Variants in NCOR1 observed in about 807,000 individuals in gnomAD.
The protein encoded by NCOR1 is protein phosphatase 1, regulatory subunit 109.
A neutral mutation model predicts 288.1 loss-of-function variants in NCOR1; 63 were observed. The ratio of observed to expected loss-of-function variants is 0.22; its 90% CI spans 0.18 to 0.27. The LOEUF (loss-of-function observed/expected upper bound fraction) is 0.27. Among genes scored for constraint, NCOR1 ranks in the 10% least tolerant of loss-of-function variants. NCOR1 has a pLI of 1.00. For missense variants in NCOR1, 2,397 were observed against 3,019.2 expected, an observed-to-expected ratio of 0.79 and a Z score of 4.83; for synonymous variants, 1,007 against 1,065.9, an observed-to-expected ratio of 0.94 and a Z score of 1.08.
chr17:16,109,035 C>A lies in NCOR1; in HGVS notation c.2056-123G>T, dbSNP rs944381576. The stretch of plus-strand genomic sequence containing the variant: ...CCAGACAAGGAGGTCACATGTTTGA[C>A]AATAGTTCTGGTTAAAGTGCAGATA... On this transcript the variant is annotated intron_variant, in intron 18 of 45. Transcript: ENST00000268712. The A allele has an allele frequency of 1.1e-4, 88 of 789,540 alleles. No individual in the cohort carries two copies. In the Admixed American group the frequency reaches 1.2e-3, roughly 11 times the overall value. The allele number at this position is 789,540 out of a possible 1,614,324, so 48.9% of individuals were successfully genotyped here. A position where few individuals can be genotyped will look rare whatever the true frequency, so the allele number is the denominator to read the frequency against.
intron 19 of NCOR1, among the ~76,000 whole-genome samples, chr17:16,105,472 A>G (rs1229476697): frequency 1.3e-5 from 2 of 152,134 alleles, no homozygotes; most frequent in East Asian, 3.9e-4. Context: ...TCAAAAAACT[A>G]CTGCAATGAG....
At chr17:16,102,774 A>T (rs2067879367) in intron 19 of NCOR1, among the ~76,000 whole-genome samples, 1 of 151,988 alleles carries the variant, frequency 6.6e-6, no homozygotes, top group Non-Finnish European at 1.5e-5. Context: ...TTGTATTTTT[A>T]GTAGAGATGG....
At position 16,030,399 on chromosome 17, in the gene NCOR1, AC is replaced by A. The variant is rs1161251952; in HGVS notation, c.*1896del. 1 of 213,840 alleles carries A rather than the reference AC, an allele frequency of 4.7e-6. No individual in the cohort carries two copies. Among genetic ancestry groups the A allele is most frequent in the East Asian group, 6.9e-5 (1 of 14,552 alleles). The allele number at this position is 213,840 out of a possible 1,614,324, so 13.2% of individuals were successfully genotyped here. A position where few individuals can be genotyped will look rare whatever the true frequency, so the allele number is the denominator to read the frequency against. On this transcript the variant is annotated 3_prime_UTR_variant, in exon 46 of 46. Coordinates refer to ENST00000268712, the MANE Select transcript of NCOR1 (RefSeq NM_006311.4). ...GTATTCTGACTCAGAATAGCTTAAG[AC>A]CCTCAGGGTCATAGAAAAATACCAT...
rs143283454 is a variant in NCOR1, at chr17:16,080,686, G to A, written c.3219C>T (p.Ser1073=). The change falls in exon 24 of 46, where the codon TCC becomes TCT. Residue 1073 remains serine, a synonymous_variant. Transcript: ENST00000268712. ...GTYLTSHNQA[S]YTQETPKPSV... is the part of the protein sequence containing the mutation. ...ACGGCTTGGGTGTTTCTTGAGTGTA[G>A]GAAGCCTGATTATGAGAAGTCAAAT... is the stretch of plus-strand genomic sequence containing the variant. 11 of 1,613,726 alleles carry A rather than the reference G, an allele frequency of 6.8e-6. No homozygotes were observed. Among genetic ancestry groups the A allele is most frequent in the Non-Finnish European group, 9.3e-6 (11 of 1,179,872 alleles).
At chr17:16,037,655 GGA>G (rs2066602601) in intron 44 of NCOR1, among the ~76,000 whole-genome samples, 1 of 152,076 alleles carries the variant, frequency 6.6e-6, no homozygotes, top group Non-Finnish European at 1.5e-5. Context: ...TTTCCCAACT[GGA>G]ATTAATACAC....
chr17:16,175,032 GT>G lies in NCOR1; in HGVS notation c.243-3038del, dbSNP rs2083837778. 1.3e-5 allele frequency among the ~76,000 whole-genome samples: 2 copies of G among 150,228 alleles called. 1 individual carries two copies. Among genetic ancestry groups the G allele is most frequent in the African/African-American group, 5.0e-5 (2 of 40,360 alleles). ...GATAAAAATAGATAAATAAACTGTG[GT>G]ATAAAAAAAAAAAAACCTAACAGCA... On this transcript the variant is annotated intron_variant, in intron 3 of 45. Coordinates refer to ENST00000268712, the MANE Select transcript of NCOR1 (RefSeq NM_006311.4).
In NCOR1 at chr17:16,161,230, G is replaced by GACACAC. The variant is rs67635232; in HGVS notation, c.619-2363_619-2358dup. 5.2e-3 allele frequency among the ~76,000 whole-genome samples: 749 copies of GACACAC among 143,212 alleles called. 5 individuals carry two copies. The highest frequency in any genetic ancestry group is 0.013 in the African/African-American group (519 of 39,314). 94.0% of individuals were successfully genotyped at this position (143,212 alleles called of 152,430 possible). ...CAAAGGCTAAAAGCAAACACACACA[G>GACACAC]ACACACACACACACACACACACACA... On this transcript the variant is annotated intron_variant, in intron 5 of 45. Coordinates refer to ENST00000268712, the MANE Select transcript of NCOR1 (RefSeq NM_006311.4).
At chr17:16,091,681 G>A (rs1473933923) in intron 22 of NCOR1, 182 bp downstream of exon 22, 1 of 1,421,122 alleles carries the variant, frequency 7.0e-7, no homozygotes, top group African/African-American at 1.4e-5. Flanking sequence ...GCATCCTTTA[G>A]TAGTTAATAA....
At chr17:16,191,300 A>C (rs541266996) in intron 2 of NCOR1, among the ~76,000 whole-genome samples, 11 of 152,222 alleles carry the variant, frequency 7.2e-5, no homozygotes, top group Non-Finnish European at 1.3e-4. Flanking sequence ...AGACAAGCTT[A>C]GAAGTGGGGG....
intron 3 of NCOR1, 127 bp from the exon 4 acceptor site, chr17:16,172,122 A>AC (rs1283312126): frequency 8.6e-6 from 6 of 696,058 alleles, no homozygotes; most frequent in Non-Finnish European, 1.4e-5. Flanking sequence ...GTGAATCCGT[A>AC]CCCCTTCTGT....
intron 3 of NCOR1, among the ~76,000 whole-genome samples, chr17:16,173,211 G>A (rs976955847): frequency 2.0e-5 from 3 of 152,042 alleles, no homozygotes; most frequent in African/African-American, 4.8e-5. Flanking sequence ...GTGAGCCACC[G>A]CACCTGGCCT....
Position 16,138,081 on chromosome 17 carries a change from ATG to A in NCOR1, c.1407+75_1407+76del. 7.6e-6 allele frequency: 9 copies of A among 1,180,634 alleles called. No homozygotes were observed. The South Asian group carries it at 1.0e-4, about 14-fold the overall frequency. The allele number at this position is 1,180,634 out of a possible 1,614,324, so 73.1% of individuals were successfully genotyped here. Reference sequence around the variant, plus strand: ...AAATCGGTTCTAGTTAACTACTTATATGTGTCAGAGCACAAGAATTTCAAAGT... The same window carrying A: ...AAATCGGTTCTAGTTAACTACTTATATGTCAGAGCACAAGAATTTCAAAGT... On this transcript the variant is annotated intron_variant, in intron 13 of 45. Transcript: ENST00000268712.
At chr17:16,147,903 C>T (rs1047663598) in intron 9 of NCOR1, among the ~76,000 whole-genome samples, 3 of 152,204 alleles carry the variant, frequency 2.0e-5, no homozygotes, top group Admixed American at 6.5e-5. Flanking sequence ...CTGCAACCTC[C>T]GCCTCCCGGG....
intron 44 of NCOR1, among the ~76,000 whole-genome samples, chr17:16,038,629 G>C (rs1370438258): frequency 6.6e-6 from 1 of 151,942 alleles, no homozygotes; most frequent in South Asian, 2.1e-4. Flanking sequence ...TAGAGACGGG[G>C]TTTTCATCAT....
chr17:16,095,890 G>A (rs2066510285), intron 21 of NCOR1, among the ~76,000 whole-genome samples: 1 of 152,066 alleles, frequency 6.6e-6, no homozygotes, highest in African/African-American at 2.4e-5. Flanking sequence ...AGAAAAGGGG[G>A]CAAGGTGGGG....
chr17:16,143,817 T>C (rs1409075494), intron 10 of NCOR1, 121 bp from the exon 11 acceptor site: 1 of 663,972 alleles, frequency 1.5e-6, no homozygotes, highest in South Asian at 2.0e-5. Flanking sequence ...AGAAGAAACA[T>C]AAAATACTAT....
chr17:16,126,357 G>A (rs2074041218), intron 14 of NCOR1, 151 bp from the exon 15 acceptor site: 2 of 731,000 alleles, frequency 2.7e-6, no homozygotes, highest in African/African-American at 1.8e-5. Context: ...CCAGTCTAGA[G>A]GTTTTTAATG....
rs531292443 is a variant in NCOR1 at position 16,038,761 on chromosome 17, T to TTG, written c.6955+670_6955+671dup. Among the ~76,000 whole-genome samples the TTG allele has an allele frequency of 5.6e-3, 859 of 152,062 alleles. 6 individuals are homozygous for TTG. Among genetic ancestry groups the TTG allele is most frequent in the African/African-American group, 0.019 (778 of 41,422 alleles). Reference sequence around the variant, plus strand: ...TATGGCTTACGATTATTTTATTTTATTGTGTGTGTCTGTGTATGTATGTAT... The same window carrying TTG: ...TATGGCTTACGATTATTTTATTTTATTGTGTGTGTGTCTGTGTATGTATGTAT... On this transcript the variant is annotated intron_variant, in intron 44 of 45. Transcript: ENST00000268712.
chr17:16,168,583 C>T (rs112737402), intron 4 of NCOR1, among the ~76,000 whole-genome samples: 5 of 152,014 alleles, frequency 3.3e-5, no homozygotes, highest in African/African-American at 1.2e-4. Context: ...AAATACCCAC[C>T]GTACCTTAAA....
Sources: gnomAD v4.1 joint callset for allele counts (sites outside exome capture counted in the v4.1 genomes callset) on GRCh38, gnomAD v4.1.1 for gene constraint, MANE v1.5 for transcripts, NCBI Gene and HGNC (gene_info 2026-07-23, HGNC 2026-07-21) for gene names.